PRKG1: variants seen among roughly 807,000 people sequenced by gnomAD.
The protein encoded by PRKG1 is protein kinase cGMP-dependent 1.
Under a neutral mutation model 88.1 loss-of-function variants are expected in PRKG1, and 35 were observed. The observed-to-expected ratio is 0.40, with a 90% CI of 0.30 to 0.53. The LOEUF is 0.53. PRKG1 is among the 20% of genes least tolerant of loss of function. PRKG1 has a pLI of 0.59. For missense variants in PRKG1, 540 were observed against 839.8 expected, an observed-to-expected ratio of 0.64 and a Z score of 4.41; for synonymous variants, 303 against 292.5, an observed-to-expected ratio of 1.04 and a Z score of -0.37.
chr10:51,461,058 C>T (rs1279162625), intron 2 of PRKG1, among the ~76,000 whole-genome samples: 1 of 152,096 alleles, frequency 6.6e-6, no homozygotes, highest in Non-Finnish European at 1.5e-5. Context: ...TTTTGATTCA[C>T]AACCAAGAAT....
At chr10:51,799,495 C>T (rs1839108984) in intron 3 of PRKG1, among the ~76,000 whole-genome samples, 1 of 151,592 alleles carries the variant, frequency 6.6e-6, no homozygotes, top group South Asian at 2.1e-4. Context: ...GTAGGATAAC[C>T]TCAAAAATAT....
intron 1 of PRKG1, among the ~76,000 whole-genome samples, chr10:51,065,260 G>T (rs1019888715): frequency 2.0e-5 from 3 of 152,032 alleles, no homozygotes; most frequent in Non-Finnish European, 4.4e-5. Flanking sequence ...TGTAGACATT[G>T]CCAGTGTTAC....
chr10:51,819,067 A>G (rs1839674841), intron 4 of PRKG1, among the ~76,000 whole-genome samples: 1 of 145,362 alleles, frequency 6.9e-6, no homozygotes, highest in Admixed American at 6.9e-5. Context: ...TGGATAAATT[A>G]TAAAGAAAAG....
chr10:51,408,795 G>A (rs1380158220), intron 2 of PRKG1, among the ~76,000 whole-genome samples: 1 of 152,196 alleles, frequency 6.6e-6, no homozygotes, highest in African/African-American at 2.4e-5. Context: ...GAAAGTGGCT[G>A]AGTGGTGTCC....
chr10:51,288,956 T>C (rs1840513553), intron 2 of PRKG1, among the ~76,000 whole-genome samples: 2 of 152,178 alleles, frequency 1.3e-5, no homozygotes, highest in South Asian at 4.1e-4. Context: ...ATATATTAAT[T>C]AATAAAGGGC....
At chr10:51,609,175 A>G (rs1838840689) in intron 3 of PRKG1, among the ~76,000 whole-genome samples, 1 of 152,054 alleles carries the variant, frequency 6.6e-6, no homozygotes, top group Non-Finnish European at 1.5e-5. Context: ...TTTATTATTT[A>G]AGAAATATTT....
At chr10:51,166,056 C>T (rs1190038161) in intron 2 of PRKG1, among the ~76,000 whole-genome samples, 1 of 150,828 alleles carries the variant, frequency 6.6e-6, no homozygotes, top group African/African-American at 2.4e-5. Flanking sequence ...TCATGCAGAT[C>T]ATATTTACAG....
At chr10:51,012,630 A>G (rs2132725324) in intron 1 of PRKG1, among the ~76,000 whole-genome samples, 1 of 152,354 alleles carries the variant, frequency 6.6e-6, no homozygotes, top group East Asian at 1.9e-4. Context: ...TTCAGCAACT[A>G]TTTATTGAGT....
intron 3 of PRKG1, among the ~76,000 whole-genome samples, chr10:51,504,591 T>C (rs1841139088): frequency 6.6e-6 from 1 of 152,214 alleles, no homozygotes; most frequent in Admixed American, 6.5e-5. Flanking sequence ...TATTGATTCT[T>C]CCTATCCATG....
chr10:51,345,453 T>C (rs761495814), intron 2 of PRKG1, among the ~76,000 whole-genome samples: 2 of 152,162 alleles, frequency 1.3e-5, no homozygotes, highest in African/African-American at 2.4e-5. Context: ...TTGATTGACA[T>C]AATCCCAGAC....
chr10:51,726,384 G>A (rs554308316), intron 3 of PRKG1, among the ~76,000 whole-genome samples: 1 of 152,338 alleles, frequency 6.6e-6, no homozygotes, highest in East Asian at 1.9e-4. Context: ...CATTGTGCAT[G>A]TATGTAAAAC....
intron 3 of PRKG1, among the ~76,000 whole-genome samples, chr10:51,641,122 A>G (rs1168806238): frequency 6.6e-6 from 1 of 152,186 alleles, no homozygotes; most frequent in Non-Finnish European, 1.5e-5. Context: ...GAATTAAACA[A>G]TCATAAATGA....
intron 3 of PRKG1, among the ~76,000 whole-genome samples, chr10:51,791,874 A>G (rs1838878325): frequency 6.6e-6 from 1 of 152,114 alleles, no homozygotes; most frequent in Non-Finnish European, 1.5e-5. Context: ...TGGCAGGAAA[A>G]GGATGGGTGG....
chr10:51,360,649 A>C (rs1229405826), intron 2 of PRKG1, among the ~76,000 whole-genome samples: 2 of 151,890 alleles, frequency 1.3e-5, no homozygotes, highest in Non-Finnish European at 2.9e-5. Flanking sequence ...CAGAGTACAT[A>C]ATTATTACTG....
At chr10:51,979,415 T>TTG (rs1843939919) in intron 5 of PRKG1, among the ~76,000 whole-genome samples, 1 of 133,804 alleles carries the variant, frequency 7.5e-6, no homozygotes, top group African/African-American at 2.8e-5. Context: ...GGTCTGTTTT[T>TTG]TTTTTTTTTT....
intron 5 of PRKG1, among the ~76,000 whole-genome samples, chr10:51,980,603 G>T (rs1343639005): frequency 6.6e-6 from 1 of 152,162 alleles, no homozygotes; most frequent in Non-Finnish European, 1.5e-5. Context: ...CATTGTTATT[G>T]TGTTGGAGTC....
intron 5 of PRKG1, among the ~76,000 whole-genome samples, chr10:52,040,260 T>C (rs1845723521): frequency 6.6e-6 from 1 of 152,212 alleles, no homozygotes; most frequent in South Asian, 2.1e-4. Context: ...TCTTTTTGAG[T>C]ACTGGATTTA....
chr10:51,837,178 T>C (rs534229168), intron 4 of PRKG1, among the ~76,000 whole-genome samples: 3 of 152,266 alleles, frequency 2.0e-5, no homozygotes, highest in South Asian at 2.1e-4. Context: ...AATTCAAATA[T>C]AGAGATTGTC....
chr10:51,578,459 T>C (rs1426893163), intron 3 of PRKG1, among the ~76,000 whole-genome samples: 2 of 152,148 alleles, frequency 1.3e-5, no homozygotes, highest in Non-Finnish European at 2.9e-5. Context: ...TTGTCCGTCA[T>C]GACTGGATTT....
Sources: allele counts gnomAD v4.1 joint callset (sites outside exome capture counted in the v4.1 genomes callset), GRCh38; gene constraint gnomAD v4.1.1; transcripts MANE v1.5; gene names NCBI Gene and HGNC (gene_info 2026-07-23, HGNC 2026-07-21).